CD55: variants seen among roughly 807,000 people sequenced by gnomAD.
CD55 encodes the protein complement decay-accelerating factor.
In CD55, 41 loss-of-function variants were observed where a neutral mutation model predicts 45.8. The observed-to-expected ratio is 0.90, with a 90% CI of 0.70 to 1.16. CD55 has a LOEUF of 1.16. CD55 is among the 50% of genes most tolerant of loss of function. The pLI is 0.00. For missense variants in CD55, 416 were observed against 469.8 expected, an observed-to-expected ratio of 0.89 and a Z score of 1.06; for synonymous variants, 181 against 181.1, an observed-to-expected ratio of 1.00 and a Z score of 0.01.
intron 9 of CD55, among the ~76,000 whole-genome samples, chr1:207,354,743 A>G (rs955930843): frequency 6.6e-6 from 1 of 152,206 alleles, no homozygotes; most frequent in Non-Finnish European, 1.5e-5. Flanking sequence ...TTTGGGAGAT[A>G]ATATGCTCTT....
In CD55 at chr1:207,330,393, C is replaced by A. The variant is rs764162712; in HGVS notation, c.665-715C>A. ...ATTATGTGGAACCATTGAATTTTTTCTCAGGGTAACTGCCAGGGAGTGGTC... is the reference window on the plus strand; with the variant it reads ...ATTATGTGGAACCATTGAATTTTTTATCAGGGTAACTGCCAGGGAGTGGTC... On this transcript the variant is annotated intron_variant, in intron 5 of 9. Coordinates refer to ENST00000367064, the MANE Select transcript of CD55 (RefSeq NM_000574.5). 2.2e-4 allele frequency among the ~76,000 whole-genome samples: 33 copies of A among 149,368 alleles called. 1 individual carries two copies. Among genetic ancestry groups the A allele is most frequent in the Non-Finnish European group, 3.3e-4 (22 of 67,570 alleles).
Position 207,322,118 on chromosome 1 carries a change from G to A in CD55, c.100+253G>A. 12 of 632,300 alleles carry A rather than the reference G, an allele frequency of 1.9e-5. No homozygotes were observed. In the South Asian group the frequency reaches 2.2e-4, roughly 12 times the overall value. The allele number at this position is 632,300 out of a possible 1,614,324, so 39.2% of individuals were successfully genotyped here. ...AAGAGGCCCCGGCTGGGTTTGCGGA[G>A]CAGCCAAGCCTGGCAAAATCGAAAG... is the stretch of plus-strand genomic sequence containing the variant. On this transcript the variant is annotated intron_variant, in intron 1 of 9. Coordinates refer to ENST00000367064, the MANE Select transcript of CD55 (RefSeq NM_000574.5).
At chr1:207,327,109 T>C (rs1572872434) in intron 5 of CD55, among the ~76,000 whole-genome samples, 1 of 152,246 alleles carries the variant, frequency 6.6e-6, no homozygotes, top group East Asian at 1.9e-4. Context: ...CTTGGTCATT[T>C]ATTGTCTAAC....
chr1:207,353,122 C>T (rs111893227), intron 9 of CD55, among the ~76,000 whole-genome samples: 2,098 of 131,916 alleles, frequency 0.016, 20 homozygotes, highest in Middle Eastern at 0.033. Context: ...GGTGCAATCT[C>T]GGCTCACGGC....
chr1:207,337,447 T>A, intron 8 of CD55, 38 bp downstream of exon 8: 1 of 1,062,290 alleles, frequency 9.4e-7, no homozygotes, highest in Non-Finnish European at 1.5e-6. Flanking sequence ...AGTATGGATC[T>A]AATGTGCTAT....
At chr1:207,329,084 C>T (rs1654815652) in intron 5 of CD55, among the ~76,000 whole-genome samples, 2 of 152,176 alleles carry the variant, frequency 1.3e-5, no homozygotes, top group African/African-American at 4.8e-5. Flanking sequence ...GATAGACCAC[C>T]CTCAAGAACA....
chr1:207,326,820 C>T lies in CD55; in HGVS notation c.647C>T (p.Pro216Leu), dbSNP rs144692928. The change falls in exon 5 of 10, where the codon CCG (proline) becomes CTG (leucine). Residue 216 changes from proline to leucine, a missense_variant. Physicochemically the swap from Pro to Leu is moderately conservative, Grantham distance 98. This residue lies in a region of CD55 where 111 missense variants were observed against 163.4 expected (regional missense o/e 0.68). Transcript: ENST00000367064. ...GGCAGCTCTGTCCAGTGGAGTGACCCGTTGCCAGAGTGCAGAGGTAAGAGT... is the reference window on the plus strand; with the variant it reads ...GGCAGCTCTGTCCAGTGGAGTGACCTGTTGCCAGAGTGCAGAGGTAAGAGT... Reference protein sequence around the residue: ...ISGSSVQWSDPLPECREIYCP... With the variant: ...ISGSSVQWSDLLPECREIYCP... 141 of 1,613,280 alleles carry T rather than the reference C, an allele frequency of 8.7e-5. 1 individual carries two copies. The South Asian group carries it at 1.2e-3, about 14-fold the overall frequency.
chr1:207,331,282 C>G lies in CD55; in HGVS notation c.839C>G (p.Pro280Arg), dbSNP rs1192334240. ...NNDEGEWSGP[P>R]PECRGKSLTS... ...GATGAAGGAGAGTGGAGTGGCCCAC[C>G]ACCTGAATGCAGAGGTAATCACTTT... Residue 280 changes from proline (P) to arginine (R), a missense_variant, in exon 6 of 10, where the codon CCA (proline) becomes CGA (arginine). This residue lies in a region of CD55 where 182 missense variants were observed against 201.4 expected (regional missense o/e 0.90). Transcript: ENST00000367064. 1 of 1,612,904 alleles carries G rather than the reference C, an allele frequency of 6.2e-7. No individual in the cohort carries two copies. The highest frequency in any genetic ancestry group is 8.5e-7 in the Non-Finnish European group (1 of 1,179,174).
intron 6 of CD55, among the ~76,000 whole-genome samples, chr1:207,333,866 TAA>T (rs1655055711): frequency 6.6e-6 from 1 of 151,916 alleles, no homozygotes; most frequent in Admixed American, 6.6e-5. Flanking sequence ...GAAATATAGA[TAA>T]AAGTTTGAGA....
Position 207,326,851 on chromosome 1 carries a change from A to T in CD55, c.664+14A>T. ...CAGAGTGCAGAGGTAAGAGTTAAAA[A>T]ATCTAAGCACTCAGATTGTGAGGCT... On this transcript the variant is annotated intron_variant, in intron 5 of 9. Coordinates refer to ENST00000367064, the MANE Select transcript of CD55 (RefSeq NM_000574.5). 6.3e-7 allele frequency: 1 copy of T among 1,582,666 alleles called. No individual in the cohort carries two copies. Among genetic ancestry groups the T allele is most frequent in the Non-Finnish European group, 8.7e-7 (1 of 1,152,406 alleles).
intron 9 of CD55, chr1:207,340,616 TC>T (rs1655385662): frequency 1.5e-6 from 1 of 679,498 alleles, no homozygotes; most frequent in African/African-American, 1.8e-5. Flanking sequence ...AAGCGATTTT[TC>T]CGGCCTCCCA....
At chr1:207,338,796 C>T (rs1655292309) in intron 8 of CD55, among the ~76,000 whole-genome samples, 2 of 152,144 alleles carry the variant, frequency 1.3e-5, no homozygotes, top group Admixed American at 1.3e-4. Context: ...ATCCAGTGCA[C>T]AGTTTAATCC....
At position 207,330,342 on chromosome 1, in the gene CD55, AAAG is replaced by A. The variant is rs1326852517; in HGVS notation, c.665-765_665-763del. On this transcript the variant is annotated intron_variant, in intron 5 of 9. Transcript: ENST00000367064. Reference sequence around the variant, plus strand: ...TTGCCTTCATTCTTAAAAAAAAAAAAAAGGACAACAACATCATGCCTTTAGATT... The same window carrying A: ...TTGCCTTCATTCTTAAAAAAAAAAAAGACAACAACATCATGCCTTTAGATT... Among the ~76,000 whole-genome samples, 9 of 152,066 alleles carry A rather than the reference AAAG, an allele frequency of 5.9e-5. No homozygotes were observed. In the East Asian group the frequency reaches 1.7e-3, roughly 29 times the overall value.
chr1:207,357,842 CTG>C (rs898605244), intron 9 of CD55, among the ~76,000 whole-genome samples: 2 of 152,106 alleles, frequency 1.3e-5, no homozygotes, highest in African/African-American at 4.8e-5. Flanking sequence ...GTGTTTTTTC[CTG>C]TATGTACATA....
chr1:207,345,530 C>G (rs935619341), intron 9 of CD55, among the ~76,000 whole-genome samples: 1 of 151,840 alleles, frequency 6.6e-6, no homozygotes, highest in Non-Finnish European at 1.5e-5. Context: ...CCTCCCTGAG[C>G]TTTTTTAATA....
At position 207,321,869 on chromosome 1, in the gene CD55, A is replaced by C. The variant is rs1654419950; in HGVS notation, c.100+4A>C. 1 of 1,518,292 alleles carries C rather than the reference A, an allele frequency of 6.6e-7. No individual in the cohort carries two copies. The highest frequency in any genetic ancestry group is 1.4e-5 in the African/African-American group (1 of 71,672). The allele number at this position is 1,518,292 out of a possible 1,614,324, so 94.1% of individuals were successfully genotyped here. On this transcript the variant is annotated splice_donor_region_variant and intron_variant, in intron 1 of 9. Transcript: ENST00000367064. Reference sequence around the variant, plus strand: ...TTGTGCCTGCCGGCCGTGTGGGGTGAGTAGGGGCCCGGCGGCCGGGGAAGC... The same window carrying C: ...TTGTGCCTGCCGGCCGTGTGGGGTGCGTAGGGGCCCGGCGGCCGGGGAAGC...
chr1:207,359,492 TAAATA>T (rs751728898), intron 9 of CD55, 49 bp from the exon 10 acceptor site: 1 of 1,457,718 alleles, frequency 6.9e-7, no homozygotes, highest in South Asian at 1.3e-5. Flanking sequence ...TTATCACTAG[TAAATA>T]AAATCATTTT....
intron 9 of CD55, among the ~76,000 whole-genome samples, chr1:207,353,627 G>A (rs1655971457): frequency 6.6e-6 from 1 of 152,028 alleles, no homozygotes; most frequent in African/African-American, 2.4e-5. Context: ...CTGTTATTCA[G>A]GTTTAAGTCA....
At chr1:207,336,642 A>G in intron 6 of CD55, 51 bp from the exon 7 acceptor site, 2 of 1,602,820 alleles carry the variant, frequency 1.2e-6, no homozygotes, top group Non-Finnish European at 1.7e-6. Context: ...AAGAATGTTA[A>G]TGTGGCCAGC....
Sources: allele counts gnomAD v4.1 joint callset (sites outside exome capture counted in the v4.1 genomes callset), GRCh38; gene constraint gnomAD v4.1.1; regional missense constraint gnomAD v4.1.1; transcripts MANE v1.5; gene names NCBI Gene and HGNC (gene_info 2026-07-23, HGNC 2026-07-21).